The following CFAP46 variants were observed in gnomAD, a reference collection of about 807,000 sequenced individuals.
CFAP46 encodes the protein cilia- and flagella-associated protein 46.
A neutral mutation model predicts 325.7 loss-of-function variants in CFAP46; 245 were observed. That is an observed-to-expected ratio of 0.75 (90% CI 0.68 to 0.84). The LOEUF (loss-of-function observed/expected upper bound fraction) is 0.84, where lower values mean the gene tolerates loss of function less well. Among genes scored for constraint, CFAP46 ranks in the 40% least tolerant of loss-of-function variants. CFAP46 has a pLI of 0.00. For synonymous variants in CFAP46, 1,523 were observed against 1,495.9 expected, an observed-to-expected ratio of 1.02 and a Z score of -0.42; for missense variants, 3,346 against 3,543.0, an observed-to-expected ratio of 0.94 and a Z score of 1.41.
At position 132,832,388 on chromosome 10, in the gene CFAP46, GCCC is replaced by G. The variant is rs60514588; in HGVS notation, c.7117+967_7117+969del. On this transcript the variant is annotated intron_variant, in intron 50 of 57. Transcript: ENST00000368586. This position sits in a 1 kb window ranked among gnomAD's most constrained non-coding sequence, Gnocchi z 4.1. ...TTGCGGAGACCCCTGGGCTCTTCCT[GCCC>G]CCCCCCCCCAATGCTGTGGCCTGGA... Among the ~76,000 whole-genome samples the G allele has an allele frequency of 2.8e-5, 3 of 106,060 alleles. No homozygotes were observed. Among genetic ancestry groups the G allele is most frequent in the Admixed American group, 9.6e-5 (1 of 10,460 alleles). The allele number at this position is 106,060 out of a possible 152,430, so 69.6% of individuals were successfully genotyped here. A position where few individuals can be genotyped will look rare whatever the true frequency, so the allele number is the denominator to read the frequency against.
intron 3 of CFAP46, among the ~76,000 whole-genome samples, chr10:132,941,284 A>C (rs1564807885): frequency 6.6e-6 from 1 of 152,184 alleles, no homozygotes; most frequent in African/African-American, 2.4e-5. Flanking sequence ...CAGAAACCGC[A>C]GTGCCTGTGC....
chr10:132,846,109 G>C lies in CFAP46; in HGVS notation c.6386C>G (p.Thr2129Ser). Reference sequence around the variant, plus strand: ...CACACGGGCGCCCAGGCTGGTGGTGGTCCTGTCTTGGCACCGGAGCTGGTG... The same window carrying C: ...CACACGGGCGCCCAGGCTGGTGGTGCTCCTGTCTTGGCACCGGAGCTGGTG... ...LQHQLRCQDRTTTSLGARVEQ... is the reference protein window; with the variant it reads ...LQHQLRCQDRSTTSLGARVEQ... The change falls in exon 44 of 58, where the codon ACC becomes AGC. Residue 2129 changes from threonine to serine, a missense_variant. Coordinates refer to ENST00000368586, the MANE Select transcript of CFAP46 (RefSeq NM_001200049.3). The C allele has an allele frequency of 1.2e-6, 2 of 1,607,902 alleles. No individual in the cohort carries two copies. The highest frequency in any genetic ancestry group is 1.7e-6 in the Non-Finnish European group (2 of 1,179,166).
chr10:132,852,295 T>C (rs1848566960), intron 39 of CFAP46, among the ~76,000 whole-genome samples: 1 of 110,840 alleles, frequency 9.0e-6, no homozygotes, highest in Non-Finnish European at 2.0e-5. Context: ...CAGATCCTGA[T>C]CCACAGACGT....
chr10:132,929,874 C>T (rs1849866695), intron 8 of CFAP46, 70 bp from the exon 9 acceptor site: 1 of 1,062,274 alleles, frequency 9.4e-7, no homozygotes, highest in Admixed American at 2.1e-5. Context: ...AGGCGAGAAT[C>T]CATGTCCCCC....
At chr10:132,890,037 A>AT (rs1849232875) in intron 25 of CFAP46, among the ~76,000 whole-genome samples, 1 of 152,110 alleles carries the variant, frequency 6.6e-6, no homozygotes, top group South Asian at 2.1e-4. Context: ...CTACTTTCTG[A>AT]TTTTTTTCTA....
At chr10:132,892,225 G>T in intron 25 of CFAP46, 108 bp downstream of exon 25, 2 of 987,436 alleles carry the variant, frequency 2.0e-6, no homozygotes, top group South Asian at 1.5e-5. Flanking sequence ...CTGCCAAGTG[G>T]CTTCACGTCA....
intron 9 of CFAP46, chr10:132,929,434 G>C: frequency 1.4e-6 from 1 of 701,228 alleles, no homozygotes; most frequent in Non-Finnish European, 2.7e-6. Context: ...GAAATTTTAC[G>C]CCGTCCGTAA....
rs761549580 is a variant in CFAP46, at chr10:132,814,189, G to A, written c.7351C>T (p.Arg2451Ter). The A allele has an allele frequency of 5.6e-6, 9 of 1,613,816 alleles. No individual in the cohort carries two copies. The highest frequency in any genetic ancestry group is 4.5e-5 in the East Asian group (2 of 44,888). The change falls in exon 54 of 58, where the codon CGA becomes TGA. Residue 2451 changes from arginine (R) to a stop codon, truncating the protein, a stop_gained. Transcript: ENST00000368586. LOFTEE classifies it high-confidence loss of function. The part of the protein sequence containing the change: ...LERFQDTFTS[R>*]WAGHLGSKHF... ...TTGCTTCCCAGATGTCCCGCCCATC[G>A]CGACGTGAATGTGTCTTGGAATCTT...
intron 27 of CFAP46, 120 bp from the exon 28 acceptor site, chr10:132,881,152 G>T: frequency 2.0e-6 from 2 of 992,316 alleles, no homozygotes; most frequent in Non-Finnish European, 3.0e-6. Flanking sequence ...CCCCCACAGT[G>T]ATCATTTGCA....
chr10:132,875,546 A>G (rs1287398731), intron 31 of CFAP46, among the ~76,000 whole-genome samples: 1 of 152,210 alleles, frequency 6.6e-6, no homozygotes, highest in Non-Finnish European at 1.5e-5. Context: ...AACTAACAGA[A>G]AGCAAGAGAG....
chr10:132,841,652 A>G (rs578176276), intron 44 of CFAP46, among the ~76,000 whole-genome samples: 1 of 152,110 alleles, frequency 6.6e-6, no homozygotes, highest in South Asian at 2.1e-4. Flanking sequence ...GAGGCTGCCA[A>G]GCCTCCATCT....
At position 132,816,679 on chromosome 10, in the gene CFAP46, C is replaced by G. The variant is rs1406250579; in HGVS notation, c.7118-1765G>C. On this transcript the variant is annotated intron_variant, in intron 50 of 57. Coordinates refer to ENST00000368586, the MANE Select transcript of CFAP46 (RefSeq NM_001200049.3). ...ATGCTGAGCTTCTGAATTCCTGGCG[C>G]TTTTCCTATTCTGACGTTGGCATTT... Among the ~76,000 whole-genome samples, 3 of 152,190 alleles carry G rather than the reference C, an allele frequency of 2.0e-5. No homozygotes were observed. In the East Asian group the frequency reaches 5.8e-4, roughly 29 times the overall value.
intron 35 of CFAP46, among the ~76,000 whole-genome samples, chr10:132,863,976 A>G (rs898437285): frequency 1.5e-5 from 2 of 134,382 alleles, no homozygotes; most frequent in African/African-American, 5.8e-5. Flanking sequence ...TCTGCCTGAG[A>G]CCTTCATACA....
At chr10:132,836,638 C>A (rs1848252917) in intron 45 of CFAP46, among the ~76,000 whole-genome samples, 179 bp downstream of exon 45, 1 of 144,546 alleles carries the variant, frequency 6.9e-6, no homozygotes, top group African/African-American at 2.7e-5. Flanking sequence ...CTGGACGGCC[C>A]CCCCCCCTTG....
In CFAP46 at chr10:132,892,744, T is replaced by C. The variant is rs372193223; in HGVS notation, c.3220-327A>G. Among the ~76,000 whole-genome samples, 14 of 152,372 alleles carry C rather than the reference T, an allele frequency of 9.2e-5. No individual in the cohort carries two copies. The South Asian group carries it at 2.9e-3, about 32-fold the overall frequency. ...GCACGTTCAGCGCCGCTTGAATCGA[T>C]GCTTCCGGATTACAACCGTCAAACT... On this transcript the variant is annotated intron_variant, in intron 24 of 57. Coordinates refer to ENST00000368586, the MANE Select transcript of CFAP46 (RefSeq NM_001200049.3).
intron 16 of CFAP46, 123 bp from the exon 17 acceptor site, chr10:132,916,805 C>T (rs1204841616): frequency 8.9e-6 from 12 of 1,341,306 alleles, no homozygotes; most frequent in African/African-American, 3.1e-5. Flanking sequence ...CTGTGAGACC[C>T]GTTTGCTGTG....
chr10:132,818,044 T>A (rs1267890724), intron 50 of CFAP46, among the ~76,000 whole-genome samples: 1 of 152,102 alleles, frequency 6.6e-6, no homozygotes, highest in Non-Finnish European at 1.5e-5. Context: ...TCGTCTCAAG[T>A]CTGGAATCGC....
In CFAP46 at chr10:132,808,647, G is replaced by A. The variant is rs1847512120; in HGVS notation, c.7922C>T (p.Pro2641Leu). The A allele has an allele frequency of 1.2e-6, 2 of 1,601,182 alleles. No individual in the cohort carries two copies. The highest frequency in any genetic ancestry group is 1.3e-5 in the African/African-American group (1 of 74,720). Residue 2641 changes from proline (P) to leucine (L), a missense_variant, in exon 58 of 58, where the codon CCA becomes CTA. By Grantham distance (98) the Pro-to-Leu change is moderately conservative. Transcript: ENST00000368586. The surrounding 1 kb of genome is among the most constrained non-coding windows in gnomAD (Gnocchi z 6.8). ...CCTGGCTGAGGCTGCACCAAGGGCT[G>A]GGGAGAGGCCCAGGAAGGGGAGAGC... ...QLALPFLGLS[P>L]ALGAASARDP...
intron 9 of CFAP46, among the ~76,000 whole-genome samples, chr10:132,927,490 C>G (rs1849829947): frequency 1.3e-5 from 2 of 152,114 alleles, no homozygotes; most frequent in African/African-American, 4.8e-5. Context: ...CACCGCAGTC[C>G]TGCATGTCTG....
Sources: allele counts gnomAD v4.1 joint callset (sites outside exome capture counted in the v4.1 genomes callset), GRCh38; gene constraint gnomAD v4.1.1; non-coding constraint Gnocchi (gnomAD v3.1); transcripts MANE v1.5; gene names NCBI Gene and HGNC (gene_info 2026-07-23, HGNC 2026-07-21).